The following CSMD1 variants were observed in gnomAD, a reference collection of about 807,000 sequenced individuals.
The protein encoded by CSMD1 is CUB and sushi domain-containing protein 1.
Under a neutral mutation model 417.5 loss-of-function variants are expected in CSMD1, and 213 were observed. That is an observed-to-expected ratio of 0.51 (90% CI 0.46 to 0.57). The LOEUF (loss-of-function observed/expected upper bound fraction) is 0.57, where lower values mean the gene tolerates loss of function less well. CSMD1 is among the 20% of genes least tolerant of loss of function. The pLI is 0.00. For synonymous variants in CSMD1, 2,862 were observed against 1,736.8 expected, an observed-to-expected ratio of 1.65 and a Z score of -16.11; for missense variants, 6,923 against 4,529.7, an observed-to-expected ratio of 1.53 and a Z score of -15.17.
chr8:4,485,696 T>A (rs1456015021), intron 2 of CSMD1, among the ~76,000 whole-genome samples: 1 of 152,070 alleles, frequency 6.6e-6, no homozygotes, highest in Non-Finnish European at 1.5e-5. Flanking sequence ...GTTAACAAAT[T>A]AACAAAAGAA....
chr8:4,231,498 A>G (rs1801729958), intron 3 of CSMD1, among the ~76,000 whole-genome samples: 2 of 141,592 alleles, frequency 1.4e-5, no homozygotes, highest in Non-Finnish European at 3.0e-5. Context: ...ACGCCCTTCA[A>G]TTAGGAGACA....
intron 5 of CSMD1, among the ~76,000 whole-genome samples, chr8:3,841,267 G>A (rs1023604434): frequency 6.6e-6 from 1 of 152,134 alleles, no homozygotes; most frequent in African/African-American, 2.4e-5. Context: ...TCATGAGCTT[G>A]ATTTTGAACT....
rs548537987 is a variant in CSMD1, at chr8:3,684,900, A to C, written c.1009+23514T>G. On this transcript the variant is annotated intron_variant, in intron 7 of 69. Transcript: ENST00000635120. ...TATTGCAGTTCTAAATTCTCTTCTG[A>C]AATTTGTAATGATGCCGGGAAGCAC... 1.2e-3 allele frequency among the ~76,000 whole-genome samples: 186 copies of C among 152,270 alleles called. 1 individual carries two copies. The highest frequency in any genetic ancestry group is 3.3e-3 in the African/African-American group (136 of 41,552).
At chr8:3,754,785 G>T (rs1040987698) in intron 5 of CSMD1, among the ~76,000 whole-genome samples, 1 of 152,110 alleles carries the variant, frequency 6.6e-6, no homozygotes, top group Non-Finnish European at 1.5e-5. Flanking sequence ...GTAACCTGAA[G>T]TAGACGCCAA....
At chr8:3,389,637 T>C (rs902042647) in intron 17 of CSMD1, among the ~76,000 whole-genome samples, 2 of 43,568 alleles carry the variant, frequency 4.6e-5, no homozygotes, top group Non-Finnish European at 8.9e-5. Context: ...TATATATTAA[T>C]GGTTTTAATA....
chr8:4,811,104 G>A (rs182122804), intron 1 of CSMD1, among the ~76,000 whole-genome samples: 228 of 152,276 alleles, frequency 1.5e-3, no homozygotes, highest in African/African-American at 5.3e-3. Context: ...TAAGTGGAAA[G>A]CATTTTTATG....
At chr8:4,060,204 T>C (rs975447128) in intron 3 of CSMD1, among the ~76,000 whole-genome samples, 9 of 148,522 alleles carry the variant, frequency 6.1e-5, no homozygotes, top group South Asian at 2.2e-4. Context: ...ACATGATTAT[T>C]TCAATAGATG....
At chr8:4,093,078 T>C (rs1800805968) in intron 3 of CSMD1, among the ~76,000 whole-genome samples, 1 of 152,226 alleles carries the variant, frequency 6.6e-6, no homozygotes, top group Non-Finnish European at 1.5e-5. Context: ...GTTCTGAATA[T>C]TTTAACCACA....
rs147871266 is a variant in CSMD1 at position 4,873,540 on chromosome 8, A to G, written c.85+120792T>C. On this transcript the variant is annotated intron_variant, in intron 1 of 69. Transcript: ENST00000635120. The stretch of plus-strand genomic sequence containing the variant: ...AACTTGTGTGTAGTATCTTAACAGC[A>G]TCTAAGAACATATGATACTTCAAAG... 7.9e-3 allele frequency among the ~76,000 whole-genome samples: 1,204 copies of G among 152,248 alleles called. 24 individuals are homozygous for G. The highest frequency in any genetic ancestry group is 0.021 in the African/African-American group (868 of 41,492).
At chr8:3,675,399 T>C (rs4875252) in intron 7 of CSMD1, among the ~76,000 whole-genome samples, 43,264 of 152,126 alleles carry the variant, frequency 0.28, 7,541 homozygotes, top group Admixed American at 0.43. Flanking sequence ...TGCTATCTTG[T>C]TTTGTTTGCT....
At position 4,137,384 on chromosome 8, in the gene CSMD1, TA is replaced by T. The variant is rs1270974289; in HGVS notation, c.416-105286del. On this transcript the variant is annotated intron_variant, in intron 3 of 69. Transcript: ENST00000635120. Reference sequence around the variant, plus strand: ...TGCAAACTTCTTATGCTAAATAGATTAATGAAGAACAGAAAACAAAAGTTAT... The same window carrying T: ...TGCAAACTTCTTATGCTAAATAGATTATGAAGAACAGAAAACAAAAGTTAT... Among the ~76,000 whole-genome samples, 2 of 134,362 alleles carry T rather than the reference TA, an allele frequency of 1.5e-5. 1 individual carries two copies. Among genetic ancestry groups the T allele is most frequent in the Non-Finnish European group, 3.5e-5 (2 of 57,412 alleles). 88.1% of individuals were successfully genotyped at this position (134,362 alleles called of 152,430 possible).
Position 3,303,492 on chromosome 8 carries a change from C to T in CSMD1, c.3950+4203G>A, listed in dbSNP as rs143862565. Among the ~76,000 whole-genome samples, 202 of 152,244 alleles carry T rather than the reference C, an allele frequency of 1.3e-3. 1 individual carries two copies. The highest frequency in any genetic ancestry group is 4.6e-3 in the African/African-American group (192 of 41,546). ...CCTTGATACCTTTTTGATATGCGTC[C>T]AATGTTTTTCATACTGTGCGAGCTT... On this transcript the variant is annotated intron_variant, in intron 25 of 69. Coordinates refer to ENST00000635120, the MANE Select transcript of CSMD1 (RefSeq NM_033225.6).
chr8:3,910,126 A>G (rs968427399), intron 5 of CSMD1, among the ~76,000 whole-genome samples: 1 of 152,168 alleles, frequency 6.6e-6, no homozygotes, highest in Non-Finnish European at 1.5e-5. Flanking sequence ...GGATAATAAC[A>G]GTGTGTGAGC....
chr8:4,738,994 A>G (rs1242266826), intron 1 of CSMD1, among the ~76,000 whole-genome samples: 2 of 151,780 alleles, frequency 1.3e-5, no homozygotes, highest in Admixed American at 6.6e-5. Context: ...AAATAATCTT[A>G]AGTCTTCCAT....
intron 49 of CSMD1, among the ~76,000 whole-genome samples, chr8:3,072,793 C>T (rs769139204): frequency 9.9e-5 from 15 of 152,164 alleles, no homozygotes; most frequent in Non-Finnish European, 1.8e-4. Flanking sequence ...CACAGCTTGC[C>T]GAATATCTGA....
intron 1 of CSMD1, among the ~76,000 whole-genome samples, chr8:4,828,017 A>G (rs1210484761): frequency 1.3e-5 from 2 of 152,224 alleles, no homozygotes; most frequent in Non-Finnish European, 2.9e-5. Context: ...TGCATGTTAT[A>G]TATTTAAGCC....
chr8:3,059,887 C>A (rs1047396528), intron 49 of CSMD1, among the ~76,000 whole-genome samples: 12 of 152,066 alleles, frequency 7.9e-5, no homozygotes, highest in African/African-American at 2.7e-4. Flanking sequence ...ACGGGATTCA[C>A]TTCAGGGCAA....
chr8:4,559,576 G>T (rs1798239053), intron 2 of CSMD1, among the ~76,000 whole-genome samples: 1 of 152,048 alleles, frequency 6.6e-6, no homozygotes, highest in Non-Finnish European at 1.5e-5. Context: ...TCATCCATAG[G>T]AACTTACATA....
At chr8:4,441,567 C>T (rs371255641) in intron 2 of CSMD1, among the ~76,000 whole-genome samples, 1 of 152,118 alleles carries the variant, frequency 6.6e-6, no homozygotes, top group Non-Finnish European at 1.5e-5. Flanking sequence ...AAGCCTATCT[C>T]ATCTATGCAA....
Sources: allele counts gnomAD v4.1 joint callset (sites outside exome capture counted in the v4.1 genomes callset), GRCh38; gene constraint gnomAD v4.1.1; transcripts MANE v1.5; gene names NCBI Gene and HGNC (gene_info 2026-07-23, HGNC 2026-07-21).